Variants in SPTBN4 observed in about 807,000 individuals in gnomAD.
SPTBN4 encodes the protein spectrin beta, non-erythrocytic 4, also known as spectrin beta chain, non-erythrocytic 4.
A neutral mutation model predicts 277.8 loss-of-function variants in SPTBN4; 96 were observed. That is an observed-to-expected ratio of 0.35 (90% confidence interval 0.29 to 0.41). The LOEUF is 0.41. Ranked by LOEUF, SPTBN4 falls within the 10% of genes least tolerant of loss-of-function variation. The pLI is 1.00. For missense variants in SPTBN4, 3,006 were observed against 3,595.7 expected (o/e 0.84, Z 4.19); for synonymous variants, 1,481 against 1,580.3 (o/e 0.94, Z 1.49).
At chr19:40,541,361 C>T (rs1229523975) in intron 20 of SPTBN4, among the ~76,000 whole-genome samples, 2 of 152,196 alleles carry the variant, frequency 1.3e-5, no homozygotes, top group Non-Finnish European at 2.9e-5. Flanking sequence ...GCACGAGACT[C>T]CTGGGCCCTT....
At chr19:40,496,294 C>T (rs549376011) in intron 6 of SPTBN4, among the ~76,000 whole-genome samples, 38 of 152,242 alleles carry the variant, frequency 2.5e-4, no homozygotes, top group African/African-American at 7.9e-4. Flanking sequence ...GGATTACAGG[C>T]GCCCGCCACC....
chr19:40,536,952 A>AT (rs1193219098), intron 20 of SPTBN4, among the ~76,000 whole-genome samples: 20 of 148,644 alleles, frequency 1.3e-4, no homozygotes, highest in Middle Eastern at 3.4e-3. Context: ...TGCCTGATTG[A>AT]TTTTTTTTTT....
At chr19:40,514,899 G>A (rs1362356184) in intron 14 of SPTBN4, among the ~76,000 whole-genome samples, 2 of 152,232 alleles carry the variant, frequency 1.3e-5, no homozygotes, top group East Asian at 1.9e-4. Flanking sequence ...AAGATCAGGA[G>A]TTGGAGACCA....
intron 2 of SPTBN4, among the ~76,000 whole-genome samples, chr19:40,479,561 C>G (rs1430619948): frequency 6.6e-6 from 1 of 151,712 alleles, no homozygotes; most frequent in African/African-American, 2.4e-5. Flanking sequence ...CCCACCTCGA[C>G]CTCCCAAAGT....
intron 20 of SPTBN4, among the ~76,000 whole-genome samples, chr19:40,539,865 A>T (rs8104188): frequency 0.43 from 65,488 of 151,864 alleles, 14,951 homozygotes; most frequent in African/African-American, 0.47. Context: ...GACATAATGC[A>T]TTAAGTGGTT....
intron 18 of SPTBN4, among the ~76,000 whole-genome samples, chr19:40,532,331 CT>C (rs2080685127): frequency 6.6e-6 from 1 of 151,732 alleles, no homozygotes; most frequent in South Asian, 2.1e-4. Flanking sequence ...CTGACTGGCC[CT>C]GCCTTGGGGG....
chr19:40,567,086 A>C (rs1360114396), intron 30 of SPTBN4: 1 of 454,812 alleles, frequency 2.2e-6, no homozygotes, highest in Non-Finnish European at 4.4e-6. Context: ...GTTCAAGACC[A>C]GCCTTGGCAA....
intron 14 of SPTBN4, among the ~76,000 whole-genome samples, chr19:40,514,641 G>A (rs552635837): frequency 7.2e-5 from 11 of 152,284 alleles, no homozygotes; most frequent in East Asian, 5.8e-4. Context: ...CTTTGAGGTC[G>A]AAGACAGGTT....
At chr19:40,475,522 G>T (rs1000740433) in intron 2 of SPTBN4, among the ~76,000 whole-genome samples, 9 of 151,752 alleles carry the variant, frequency 5.9e-5, no homozygotes, top group Non-Finnish European at 1.5e-5. Flanking sequence ...GTGCAGTGGC[G>T]CAATGTCAGC....
intron 1 of SPTBN4, among the ~76,000 whole-genome samples, chr19:40,468,318 C>T (rs768368145): frequency 6.6e-6 from 1 of 151,918 alleles, no homozygotes; most frequent in Non-Finnish European, 1.5e-5. Context: ...CTCAGGTGAC[C>T]CACCCACCTC....
At chr19:40,542,610 C>G (rs990454050) in intron 20 of SPTBN4, among the ~76,000 whole-genome samples, 6 of 151,908 alleles carry the variant, frequency 3.9e-5, no homozygotes, top group Non-Finnish European at 8.8e-5. Context: ...GGCCCACCCC[C>G]ACCCTAAGCA....
At chr19:40,513,597 C>A (rs1206557535) in intron 14 of SPTBN4, 43 bp downstream of exon 14, 2 of 1,461,724 alleles carry the variant, frequency 1.4e-6, no homozygotes, top group Non-Finnish European at 1.8e-6. Flanking sequence ...CTTCCTCATG[C>A]ACCCAGTCTC....
Position 40,501,531 on chromosome 19 carries a change from G to T in SPTBN4, c.785-390G>T, listed in dbSNP as rs151317183. On this transcript the variant is annotated intron_variant, in intron 7 of 35. Coordinates refer to ENST00000598249, the MANE Select transcript of SPTBN4 (RefSeq NM_020971.3). The stretch of plus-strand genomic sequence containing the variant: ...TGAAAATATAAAATTAGCCAGGCAT[G>T]GTGGTGCATGCCCATAACCCCAGCT... Among the ~76,000 whole-genome samples the T allele has an allele frequency of 1.8e-4, 27 of 152,242 alleles. No homozygotes were observed. The East Asian group carries it at 4.8e-3, about 27-fold the overall frequency.
At chr19:40,528,995 C>T in intron 17 of SPTBN4, 46 bp from the exon 18 acceptor site, 2 of 1,525,968 alleles carry the variant, frequency 1.3e-6, no homozygotes, top group Non-Finnish European at 1.8e-6. Flanking sequence ...AGCGCCGCAC[C>T]CCCCAACCCG....
chr19:40,552,521 G>A (rs1201593807), intron 22 of SPTBN4, among the ~76,000 whole-genome samples: 10 of 151,464 alleles, frequency 6.6e-5, no homozygotes, highest in Admixed American at 5.3e-4. Context: ...ACTGTCTTAG[G>A]GTTTATGCTG....
At chr19:40,509,921 GA>G (rs1007423216) in intron 13 of SPTBN4, among the ~76,000 whole-genome samples, 2 of 152,160 alleles carry the variant, frequency 1.3e-5, no homozygotes, top group African/African-American at 4.8e-5. Flanking sequence ...ACCTCCAGGG[GA>G]GGTTGTTGGG....
At chr19:40,486,858 T>C (rs1336069165) in intron 2 of SPTBN4, among the ~76,000 whole-genome samples, 1 of 152,088 alleles carries the variant, frequency 6.6e-6, no homozygotes, top group African/African-American at 2.4e-5. Flanking sequence ...AGAGTGTGCA[T>C]TCGAATATTT....
intron 13 of SPTBN4, among the ~76,000 whole-genome samples, chr19:40,507,678 C>CA (rs1048724360): frequency 7.9e-5 from 12 of 151,974 alleles, no homozygotes; most frequent in African/African-American, 2.9e-4. Context: ...TCTAAAAATA[C>CA]AAAAAAATTA....
intron 35 of SPTBN4, among the ~76,000 whole-genome samples, chr19:40,574,365 CTT>C (rs533228382): frequency 4.2e-5 from 6 of 141,810 alleles, no homozygotes; most frequent in Admixed American, 7.1e-5. Flanking sequence ...AAGAAGTGGG[CTT>C]TTTTTTTTTT....
Sources: allele counts gnomAD v4.1 joint callset (sites outside exome capture counted in the v4.1 genomes callset), GRCh38; gene constraint gnomAD v4.1.1; transcripts MANE v1.5; gene names NCBI Gene and HGNC (gene_info 2026-07-23, HGNC 2026-07-21).